SPON1: variants seen among roughly 807,000 people sequenced by gnomAD.
SPON1 encodes spondin-1.
SPON1 carries 52 observed loss-of-function variants against 111.7 expected under a neutral mutation model. The observed-to-expected ratio is 0.47, with a 90% CI of 0.37 to 0.59. The LOEUF is 0.59. Among genes scored for constraint, SPON1 ranks in the 20% least tolerant of loss-of-function variants. The pLI, the probability that SPON1 is intolerant of heterozygous loss-of-function variation, is 0.00. For synonymous variants in SPON1, 410 were observed against 395.8 expected (o/e 1.04, Z -0.43); for missense variants, 957 against 1,068.5 (o/e 0.90, Z 1.46).
intron 3 of SPON1, among the ~76,000 whole-genome samples, chr11:14,068,544 C>T (rs782264687): frequency 7.9e-5 from 12 of 152,154 alleles, no homozygotes; most frequent in Non-Finnish European, 1.6e-4. Flanking sequence ...GAGCAGAGAA[C>T]GTTGTTTCCA....
chr11:14,127,313 A>AC (rs1406950716), intron 5 of SPON1, among the ~76,000 whole-genome samples: 5 of 151,172 alleles, frequency 3.3e-5, no homozygotes, highest in Admixed American at 1.3e-4. Context: ...AAAAAAAAAA[A>AC]AAAACCCAGT....
intron 3 of SPON1, among the ~76,000 whole-genome samples, chr11:14,042,395 A>G (rs576137792): frequency 1.5e-3 from 64 of 43,294 alleles, no homozygotes; most frequent in African/African-American, 3.2e-3. Flanking sequence ...AGTCCTGGCG[A>G]AAAAAAAAAA....
At chr11:14,110,291 A>C (rs1554925326) in intron 5 of SPON1, among the ~76,000 whole-genome samples, 1 of 152,176 alleles carries the variant, frequency 6.6e-6, no homozygotes. Context: ...CTCTTATTTT[A>C]TCTCTTCCTT....
intron 5 of SPON1, among the ~76,000 whole-genome samples, chr11:14,112,466 T>C (rs7129545): frequency 0.02 from 3,010 of 152,332 alleles, 100 homozygotes; most frequent in African/African-American, 0.068. Context: ...GACATTTAAC[T>C]CCTCTGTGCC....
chr11:14,075,206 T>C (rs1217158199), intron 3 of SPON1, 139 bp from the exon 4 acceptor site: 1 of 638,426 alleles, frequency 1.6e-6, no homozygotes, highest in African/African-American at 1.8e-5. Context: ...GCTGTTATGT[T>C]AATTTTCTCA....
At chr11:13,997,720 G>A (rs1848284482) in intron 2 of SPON1, among the ~76,000 whole-genome samples, 1 of 152,160 alleles carries the variant, frequency 6.6e-6, no homozygotes, top group South Asian at 2.1e-4. Context: ...TATCTTTATT[G>A]TAATAGGATT....
At chr11:14,198,019 C>T (rs946499800) in intron 6 of SPON1, among the ~76,000 whole-genome samples, 5 of 152,072 alleles carry the variant, frequency 3.3e-5, no homozygotes, top group Non-Finnish European at 7.3e-5. Flanking sequence ...GCATCATAAG[C>T]CTCCTAATTC....
chr11:14,148,110 A>G (rs1282821178), intron 6 of SPON1, among the ~76,000 whole-genome samples: 1 of 152,214 alleles, frequency 6.6e-6, no homozygotes, highest in Non-Finnish European at 1.5e-5. Context: ...ATTTAGGCAC[A>G]TTCTATTTAT....
intron 5 of SPON1, among the ~76,000 whole-genome samples, chr11:14,095,075 A>C (rs1481021420): frequency 6.6e-6 from 1 of 152,176 alleles, no homozygotes; most frequent in African/African-American, 2.4e-5. Context: ...AATATTCCTC[A>C]ATATTATTAT....
intron 6 of SPON1, among the ~76,000 whole-genome samples, chr11:14,167,078 A>G (rs1435064609): frequency 2.0e-5 from 3 of 152,162 alleles, no homozygotes; most frequent in African/African-American, 4.8e-5. Flanking sequence ...TCATATTACA[A>G]TTATAGGAGT....
In SPON1 at chr11:14,175,295, C is replaced by T. The variant is rs575803492; in HGVS notation, c.825+39727C>T. On this transcript the variant is annotated intron_variant, in intron 6 of 15. Coordinates refer to ENST00000576479, the MANE Select transcript of SPON1 (RefSeq NM_006108.4). ...TAACTATGACAAGAACCCCCAAATT[C>T]CTGTCCTCTGGATGGTGGAAATCAA... is the stretch of plus-strand genomic sequence containing the variant. Among the ~76,000 whole-genome samples the T allele has an allele frequency of 7.2e-5, 11 of 152,310 alleles. No individual in the cohort carries two copies. The South Asian group carries it at 1.7e-3, about 23-fold the overall frequency.
At chr11:13,988,280 G>A (rs1288479347) in intron 2 of SPON1, among the ~76,000 whole-genome samples, 1 of 152,160 alleles carries the variant, frequency 6.6e-6, no homozygotes, top group Non-Finnish European at 1.5e-5. Flanking sequence ...TCCCTTTTAA[G>A]TTGTATTCCT....
At chr11:14,067,022 T>G (rs1410887826) in intron 3 of SPON1, among the ~76,000 whole-genome samples, 1 of 151,740 alleles carries the variant, frequency 6.6e-6, no homozygotes, top group Non-Finnish European at 1.5e-5. Context: ...AAAAAAAATG[T>G]AAAAAGCAGC....
chr11:14,258,883 A>C (rs180955134), intron 11 of SPON1, among the ~76,000 whole-genome samples: 13 of 152,306 alleles, frequency 8.5e-5, no homozygotes, highest in South Asian at 2.1e-4. Flanking sequence ...TGGGGAGCTA[A>C]GCTGAGGAGC....
At chr11:14,248,238 G>A (rs1418716217) in intron 7 of SPON1, among the ~76,000 whole-genome samples, 1 of 152,218 alleles carries the variant, frequency 6.6e-6, no homozygotes, top group Non-Finnish European at 1.5e-5. Flanking sequence ...GGGAAAAACA[G>A]CCCGGAGCAG....
At chr11:14,079,676 A>G (rs1391127465) in intron 4 of SPON1, among the ~76,000 whole-genome samples, 1 of 133,874 alleles carries the variant, frequency 7.5e-6, no homozygotes, top group African/African-American at 3.1e-5. Flanking sequence ...TTCTCAATTT[A>G]TTAGGGAAAA....
At chr11:14,166,391 G>A (rs972440645) in intron 6 of SPON1, among the ~76,000 whole-genome samples, 11 of 152,142 alleles carry the variant, frequency 7.2e-5, no homozygotes, top group Non-Finnish European at 1.3e-4. Flanking sequence ...GTTAAAAGTT[G>A]CAAATAGCTC....
intron 3 of SPON1, 72 bp downstream of exon 3, chr11:14,041,726 A>T: frequency 6.4e-7 from 1 of 1,559,212 alleles, no homozygotes; most frequent in Non-Finnish European, 8.7e-7. Context: ...AAAAAAAAAA[A>T]AGTTCTTTAC....
At chr11:14,082,882 CT>C (rs1302646931) in intron 5 of SPON1, among the ~76,000 whole-genome samples, 1 of 152,098 alleles carries the variant, frequency 6.6e-6, no homozygotes, top group African/African-American at 2.4e-5. Flanking sequence ...CCCCCCTGTC[CT>C]TTATTAGTCA....
Sources: allele counts gnomAD v4.1 joint callset (sites outside exome capture counted in the v4.1 genomes callset), GRCh38; gene constraint gnomAD v4.1.1; transcripts MANE v1.5; gene names NCBI Gene and HGNC (gene_info 2026-07-23, HGNC 2026-07-21).